The following PLD5 variants were observed in gnomAD, a reference collection of about 807,000 sequenced individuals.
PLD5 encodes the protein inactive phospholipase D5.
Under a neutral mutation model 61.1 loss-of-function variants are expected in PLD5, and 36 were observed. The observed-to-expected ratio is 0.59, with a 90% CI of 0.45 to 0.78. The LOEUF (loss-of-function observed/expected upper bound fraction) is 0.78. Ranked by LOEUF, PLD5 falls within the 30% of genes least tolerant of loss-of-function variation. PLD5 has a pLI of 0.00. For synonymous variants in PLD5, 243 were observed against 242.8 expected, an observed-to-expected ratio of 1.00 and a Z score of -0.01; for missense variants, 515 against 644.4, an observed-to-expected ratio of 0.80 and a Z score of 2.17.
intron 5 of PLD5, among the ~76,000 whole-genome samples, chr1:242,195,552 A>C (rs1426019014): frequency 6.6e-6 from 1 of 152,178 alleles, no homozygotes; most frequent in Non-Finnish European, 1.5e-5. Flanking sequence ...AAATAAAAAC[A>C]CTTAAGGCTG....
intron 5 of PLD5, among the ~76,000 whole-genome samples, chr1:242,130,341 C>T (rs998733309): frequency 2.0e-5 from 3 of 152,322 alleles, no homozygotes; most frequent in South Asian, 2.1e-4. Flanking sequence ...CATAAGCCAC[C>T]GCACCAGGCC....
chr1:242,394,173 TGTATATATGA>T (rs1330253309), intron 1 of PLD5, among the ~76,000 whole-genome samples: 1,094 of 79,424 alleles, frequency 0.014, 148 homozygotes, highest in Admixed American at 0.019. Context: ...TATATATATG[TGTATATATGA>T]GTATATATGA....
At chr1:242,458,931 C>T (rs1323042200) in intron 1 of PLD5, among the ~76,000 whole-genome samples, 1 of 152,104 alleles carries the variant, frequency 6.6e-6, no homozygotes, top group African/African-American at 2.4e-5. Flanking sequence ...ACATTAATTG[C>T]AATAATAATG....
At chr1:242,150,931 G>A (rs1329100870) in intron 5 of PLD5, among the ~76,000 whole-genome samples, 1 of 150,592 alleles carries the variant, frequency 6.6e-6, no homozygotes, top group Non-Finnish European at 1.5e-5. Flanking sequence ...TTCCATTTCT[G>A]TCTCTATCCT....
chr1:242,163,206 C>T (rs527852425), intron 5 of PLD5, among the ~76,000 whole-genome samples: 28 of 147,754 alleles, frequency 1.9e-4, no homozygotes, highest in Middle Eastern at 7.2e-3. Flanking sequence ...TGCAGTGGCG[C>T]GATCTCGGCT....
chr1:242,523,981 A>T (rs761868434), intron 1 of PLD5, 107 bp downstream of exon 1: 150 of 1,238,648 alleles, frequency 1.2e-4, no homozygotes, highest in Non-Finnish European at 1.5e-4. Flanking sequence ...GCCTGCCAGG[A>T]TCCCCTCGCC....
rs138371915 is a variant in PLD5, at chr1:242,412,114, T to C, written c.190-63872A>G. On this transcript the variant is annotated intron_variant, in intron 1 of 9. Transcript: ENST00000536534. The stretch of plus-strand genomic sequence containing the variant: ...TGAAGGAATGACTCATCTCATCCTG[T>C]CTTTATTCTCTACTTGGGAAGATAA... Among the ~76,000 whole-genome samples the C allele has an allele frequency of 3.2e-3, 485 of 152,282 alleles. 3 individuals carry two copies. Among genetic ancestry groups the C allele is most frequent in the African/African-American group, 0.011 (464 of 41,562 alleles).
At chr1:242,223,169 G>A (rs1395766257) in intron 4 of PLD5, among the ~76,000 whole-genome samples, 1 of 152,152 alleles carries the variant, frequency 6.6e-6, no homozygotes, top group East Asian at 1.9e-4. Flanking sequence ...TGGAAAACAT[G>A]AGGATCTCTC....
intron 2 of PLD5, among the ~76,000 whole-genome samples, chr1:242,320,904 A>G (rs1171523770): frequency 2.6e-5 from 4 of 152,122 alleles, no homozygotes; most frequent in Non-Finnish European, 4.4e-5. Flanking sequence ...CTTGAAAACC[A>G]CTACTTCAAA....
intron 8 of PLD5, among the ~76,000 whole-genome samples, chr1:242,102,623 C>G (rs1660769775): frequency 6.6e-6 from 1 of 152,146 alleles, no homozygotes; most frequent in South Asian, 2.1e-4. Context: ...CAGAGATTCC[C>G]TACCTAGTTC....
Position 242,322,199 on chromosome 1 carries a change from C to A in PLD5, c.326+25907G>T, listed in dbSNP as rs183664475. ...CGTTGACTCCGCACCAGGCACTAGG[C>A]ATACCATACATTCTTGGTATAAATG... On this transcript the variant is annotated intron_variant, in intron 2 of 9. Coordinates refer to ENST00000536534, the MANE Select transcript of PLD5 (RefSeq NM_001372062.1). Among the ~76,000 whole-genome samples, 4 of 152,314 alleles carry A rather than the reference C, an allele frequency of 2.6e-5. No homozygotes were observed. The East Asian group carries it at 7.7e-4, about 29-fold the overall frequency.
At chr1:242,529,938 G>A in the PLD5 span, among the ~76,000 whole-genome samples, 3 of 151,718 alleles carry the variant, frequency 2.0e-5, no homozygotes, top group African/African-American at 4.8e-5. Context: ...GCACAAACTC[G>A]GCGCACCACA....
intron 4 of PLD5, among the ~76,000 whole-genome samples, chr1:242,221,264 A>C (rs982056710): frequency 2.0e-5 from 3 of 152,180 alleles, no homozygotes; most frequent in African/African-American, 7.2e-5. Context: ...TATTTAAATA[A>C]ATTTCTGCTA....
intron 2 of PLD5, among the ~76,000 whole-genome samples, chr1:242,295,794 C>T (rs1436924878): frequency 6.6e-6 from 1 of 152,134 alleles, no homozygotes; most frequent in South Asian, 2.1e-4. Context: ...TACATCCATG[C>T]CAACTTCTGC....
At position 242,524,365 on chromosome 1, in the gene PLD5, C is replaced by A. The variant is rs923146642; in HGVS notation, c.-89G>T. The A allele has an allele frequency of 1.6e-6, 2 of 1,239,868 alleles. No individual in the cohort carries two copies. The highest frequency in any genetic ancestry group is 4.1e-5 in the Admixed American group (1 of 24,648). 76.8% of individuals were successfully genotyped at this position (1,239,868 alleles called of 1,614,324 possible). A position where few individuals can be genotyped will look rare whatever the true frequency, so the allele number is the denominator to read the frequency against. ...CGCGGAGGGCGAGCGGGAGGCCCAG[C>A]GGGAGCCGGAGGTGGAGCTGGAGAC... On this transcript the variant is annotated 5_prime_UTR_variant, in exon 1 of 10. Transcript: ENST00000536534.
At chr1:242,243,398 A>G (rs1222717757) in intron 4 of PLD5, among the ~76,000 whole-genome samples, 2 of 152,206 alleles carry the variant, frequency 1.3e-5, no homozygotes, top group East Asian at 1.9e-4. Context: ...CTATGGAGAC[A>G]TAGGGTATAT....
chr1:242,464,263 G>C (rs6681768), intron 1 of PLD5, among the ~76,000 whole-genome samples: 104,714 of 151,956 alleles, frequency 0.69, 36,821 homozygotes, highest in African/African-American at 0.83. Context: ...TCAATGGCAA[G>C]TAAGTGCCAG....
chr1:242,201,743 A>G (rs1669000771), intron 5 of PLD5, among the ~76,000 whole-genome samples: 1 of 152,232 alleles, frequency 6.6e-6, no homozygotes, highest in South Asian at 2.1e-4. Context: ...TTTGCCAATT[A>G]GAATTTTACC....
intron 9 of PLD5, among the ~76,000 whole-genome samples, chr1:242,092,576 A>G (rs939127863): frequency 2.6e-5 from 4 of 152,142 alleles, no homozygotes; most frequent in Non-Finnish European, 4.4e-5. Flanking sequence ...TGATTCCACA[A>G]AGGGAACTGG....
Sources: gnomAD v4.1 joint callset for allele counts (sites outside exome capture counted in the v4.1 genomes callset) on GRCh38, gnomAD v4.1.1 for gene constraint, MANE v1.5 for transcripts, NCBI Gene and HGNC (gene_info 2026-07-23, HGNC 2026-07-21) for gene names.